The following TMEM167A variants were observed in gnomAD, a reference collection of about 807,000 sequenced individuals.
The protein encoded by TMEM167A is protein kish-A.
TMEM167A carries 8 observed loss-of-function variants against 11.6 expected under a neutral mutation model. The ratio of observed to expected loss-of-function variants is 0.69; its 90% CI spans 0.40 to 1.24. TMEM167A has a LOEUF of 1.24. Ranked by LOEUF, TMEM167A falls within the 50% of genes most tolerant of loss-of-function variation. TMEM167A has a pLI of 0.01. For missense variants in TMEM167A, 62 were observed against 87.0 expected (o/e 0.71, Z 1.14); for synonymous variants, 22 against 28.0 (o/e 0.79, Z 0.67).
chr5:83,070,379 T>C (rs1405306365), intron 1 of TMEM167A, among the ~76,000 whole-genome samples: 2 of 152,192 alleles, frequency 1.3e-5, no homozygotes, highest in Non-Finnish European at 2.9e-5. Context: ...ACCCTCTGCA[T>C]TGTAGACTTA....
At chr5:83,076,423 G>C (rs968944696) in intron 1 of TMEM167A, among the ~76,000 whole-genome samples, 1 of 152,198 alleles carries the variant, frequency 6.6e-6, no homozygotes, top group Non-Finnish European at 1.5e-5. Context: ...CTTGCACTAC[G>C]AGTAGAAGAA....
At chr5:83,058,312 T>C (rs1744361224) in intron 3 of TMEM167A, among the ~76,000 whole-genome samples, 1 of 152,104 alleles carries the variant, frequency 6.6e-6, no homozygotes, top group South Asian at 2.1e-4. Flanking sequence ...ATAGAAAATA[T>C]TATACACATA....
At chr5:83,067,679 A>ATTT (rs75444591) in intron 1 of TMEM167A, among the ~76,000 whole-genome samples, 2 of 143,626 alleles carry the variant, frequency 1.4e-5, no homozygotes, top group African/African-American at 5.1e-5. Context: ...TAAATTTTGT[A>ATTT]TTTTTTTTTT....
Position 83,077,309 on chromosome 5 carries a change from C to A in TMEM167A, c.3+12G>T, listed in dbSNP as rs184220084. 7 of 1,614,222 alleles carry A rather than the reference C, an allele frequency of 4.3e-6. No homozygotes were observed. The highest frequency in any genetic ancestry group is 2.2e-5 in the South Asian group (2 of 91,088). ...CGAAGATCAACCGCGACCTGGGAGC[C>A]CCACTTCTTACCATAGCGAGGCCGG... On this transcript the variant is annotated intron_variant, in intron 1 of 3. Coordinates refer to ENST00000502346, the MANE Select transcript of TMEM167A (RefSeq NM_174909.5).
intron 2 of TMEM167A, 89 bp from the exon 3 acceptor site, chr5:83,062,000 A>G: frequency 9.9e-7 from 1 of 1,010,942 alleles, no homozygotes; most frequent in Non-Finnish European, 1.5e-6. Context: ...AATTAATTGT[A>G]TATTAACATA....
rs1388285874 is a variant in TMEM167A, at chr5:83,077,344, A to G, written c.-21T>C. 15 of 1,614,072 alleles carry G rather than the reference A, an allele frequency of 9.3e-6. No individual in the cohort carries two copies. The highest frequency in any genetic ancestry group is 1.3e-5 in the Non-Finnish European group (15 of 1,180,028). ...ACCATAGCGAGGCCGGCGATGCCGC[A>G]GCCACATCACCCTTCCGGGGCTCAG... On this transcript the variant is annotated 5_prime_UTR_variant, in exon 1 of 4. Transcript: ENST00000502346.
chr5:83,073,081 T>C (rs1025113431), intron 1 of TMEM167A, among the ~76,000 whole-genome samples: 3 of 152,232 alleles, frequency 2.0e-5, no homozygotes, highest in Admixed American at 1.3e-4. Context: ...TATTGTTGCA[T>C]AGTTGAAAGG....
At chr5:83,060,237 G>A (rs1262596622) in intron 3 of TMEM167A, among the ~76,000 whole-genome samples, 1 of 151,684 alleles carries the variant, frequency 6.6e-6, no homozygotes, top group African/African-American at 2.4e-5. Flanking sequence ...CTATTAAAAG[G>A]GATTAGTTGA....
At chr5:83,057,750 A>G (rs1384915611) in intron 3 of TMEM167A, among the ~76,000 whole-genome samples, 3 of 152,142 alleles carry the variant, frequency 2.0e-5, no homozygotes, top group East Asian at 3.8e-4. Context: ...TTAGAAAAGT[A>G]GAACTAAAAC....
intron 1 of TMEM167A, among the ~76,000 whole-genome samples, chr5:83,077,010 G>C (rs1291366576): frequency 6.6e-6 from 1 of 152,200 alleles, no homozygotes; most frequent in Non-Finnish European, 1.5e-5. Flanking sequence ...CTCGAGAAGC[G>C]CTAATGCTTC....
At chr5:83,066,205 T>C (rs554715983) in intron 1 of TMEM167A, among the ~76,000 whole-genome samples, 2 of 152,106 alleles carry the variant, frequency 1.3e-5, no homozygotes, top group Non-Finnish European at 1.5e-5. Flanking sequence ...TTTCATCATA[T>C]ACAGGGAGAT....
intron 1 of TMEM167A, among the ~76,000 whole-genome samples, chr5:83,075,475 G>A (rs1010683743): frequency 6.6e-6 from 1 of 152,058 alleles, no homozygotes; most frequent in Admixed American, 6.5e-5. Context: ...GGCTGGGGAC[G>A]GTGGCTCACG....
In TMEM167A at chr5:83,077,307, G is replaced by GC; in HGVS notation, c.3+13dup. On this transcript the variant is annotated intron_variant, in intron 1 of 3. Coordinates refer to ENST00000502346, the MANE Select transcript of TMEM167A (RefSeq NM_174909.5). ...CTCGAAGATCAACCGCGACCTGGGA[G>GC]CCCCACTTCTTACCATAGCGAGGCC... is the stretch of plus-strand genomic sequence containing the variant. The GC allele has an allele frequency of 2.5e-6, 4 of 1,614,196 alleles. No homozygotes were observed. The highest frequency in any genetic ancestry group is 3.4e-6 in the Non-Finnish European group (4 of 1,180,018).
At position 83,053,127 on chromosome 5, in the gene TMEM167A, T is replaced by C. The variant is rs764086297; in HGVS notation, c.*3957A>G. On this transcript the variant is annotated 3_prime_UTR_variant, in exon 4 of 4. Coordinates refer to ENST00000502346, the MANE Select transcript of TMEM167A (RefSeq NM_174909.5). ...GGTTGTACAGCGTTCACAATGCTGG[T>C]ATTAATCAGCTACATATTTTGAACA... The C allele has an allele frequency of 3.9e-5, 6 of 151,988 alleles. No individual in the cohort carries two copies. Among genetic ancestry groups the C allele is most frequent in the African/African-American group, 9.7e-5 (4 of 41,422 alleles). The allele number at this position is 151,988 out of a possible 1,614,324, so 9.4% of individuals were successfully genotyped here.
At chr5:83,077,193 C>T in intron 1 of TMEM167A, 128 bp downstream of exon 1, 2 of 1,367,274 alleles carry the variant, frequency 1.5e-6, no homozygotes, top group South Asian at 2.4e-5. Context: ...CGTGGAGGGA[C>T]CACATGGCTC....
At chr5:83,058,688 G>A (rs1744366699) in intron 3 of TMEM167A, among the ~76,000 whole-genome samples, 2 of 151,964 alleles carry the variant, frequency 1.3e-5, no homozygotes, top group Non-Finnish European at 2.9e-5. Flanking sequence ...TTTTCCATAT[G>A]GTGGAAATTA....
chr5:83,058,331 T>A (rs913342731), intron 3 of TMEM167A, among the ~76,000 whole-genome samples: 2 of 152,028 alleles, frequency 1.3e-5, no homozygotes, highest in African/African-American at 4.8e-5. Flanking sequence ...TACAAAAAAA[T>A]AAACTTTTGG....
intron 2 of TMEM167A, chr5:83,064,259 A>G (rs1241966388): frequency 1.9e-6 from 1 of 518,644 alleles, no homozygotes; most frequent in Non-Finnish European, 3.8e-6. Context: ...GGCAGCCCTG[A>G]GAACTCCTTT....
In TMEM167A at chr5:83,057,054, A is replaced by C. The variant is rs1744342650; in HGVS notation, c.*30T>G. 1 of 1,600,362 alleles carries C rather than the reference A, an allele frequency of 6.2e-7. No homozygotes were observed. Among genetic ancestry groups the C allele is most frequent in the East Asian group, 2.2e-5 (1 of 44,780 alleles). On this transcript the variant is annotated 3_prime_UTR_variant, in exon 4 of 4. Transcript: ENST00000502346. Reference sequence around the variant, plus strand: ...CAGTCCTTGTTCACAATCAAATCTGATGGCAACTACATTCTGGCATTTTCC... The same window carrying C: ...CAGTCCTTGTTCACAATCAAATCTGCTGGCAACTACATTCTGGCATTTTCC...
Sources: gnomAD v4.1 joint callset for allele counts (sites outside exome capture counted in the v4.1 genomes callset) on GRCh38, gnomAD v4.1.1 for gene constraint, MANE v1.5 for transcripts, NCBI Gene and HGNC (gene_info 2026-07-23, HGNC 2026-07-21) for gene names.